SKIC3: variants seen among roughly 807,000 people sequenced by gnomAD.
The protein encoded by SKIC3 is superkiller complex protein 3.
the SKIC3 span, chr5:95,523,352 A>T: frequency 6.3e-7 from 1 of 1,591,390 alleles, no homozygotes; most frequent in Non-Finnish European, 8.6e-7. Context: ...TACTAATATT[A>T]GATATATTGA....
the SKIC3 span, chr5:95,548,497 G>A: frequency 1.3e-5 from 2 of 151,918 alleles, no homozygotes; most frequent in Non-Finnish European, 2.9e-5. Context: ...TTTTTGCCTA[G>A]TTACAATAAT....
At chr5:95,521,689 G>C in the SKIC3 span, among the ~76,000 whole-genome samples, 1 of 152,082 alleles carries the variant, frequency 6.6e-6, no homozygotes, top group East Asian at 1.9e-4. Context: ...AAAATTTAAT[G>C]AGCTTGTATA....
chr5:95,552,320 G>A, the SKIC3 span, among the ~76,000 whole-genome samples: 1 of 152,068 alleles, frequency 6.6e-6, no homozygotes, highest in Non-Finnish European at 1.5e-5. Context: ...CCTCCAAACT[G>A]AGCTACTCAA....
chr5:95,480,578 T>C, the SKIC3 span, among the ~76,000 whole-genome samples: 5 of 152,202 alleles, frequency 3.3e-5, no homozygotes, highest in East Asian at 5.8e-4. Context: ...GGAATGCTCA[T>C]GCACTGCTGG....
At chr5:95,540,851 A>C in the SKIC3 span, 1 of 1,613,070 alleles carries the variant, frequency 6.2e-7, no homozygotes, top group East Asian at 2.2e-5. Flanking sequence ...AGGAGATTTT[A>C]AATTATTTTG....
At chr5:95,500,368 T>C in the SKIC3 span, among the ~76,000 whole-genome samples, 35 of 152,202 alleles carry the variant, frequency 2.3e-4, no homozygotes, top group African/African-American at 8.4e-4. Flanking sequence ...ACAATGTCAT[T>C]ATGCTCTTCT....
At chr5:95,498,897 T>C in the SKIC3 span, among the ~76,000 whole-genome samples, 2 of 152,202 alleles carry the variant, frequency 1.3e-5, no homozygotes, top group African/African-American at 4.8e-5. Context: ...AGTGCTGGGA[T>C]TACAGGCGTG....
chr5:95,502,573 CTTCATTA>C, the SKIC3 span, among the ~76,000 whole-genome samples: 1 of 152,246 alleles, frequency 6.6e-6, no homozygotes, highest in East Asian at 1.9e-4. Context: ...AAAGACAAGG[CTTCATTA>C]CAACTATCTT....
At chr5:95,504,917 A>C in the SKIC3 span, among the ~76,000 whole-genome samples, 70 of 152,220 alleles carry the variant, frequency 4.6e-4, no homozygotes, top group African/African-American at 1.6e-3. Flanking sequence ...AGGCAGGAGA[A>C]TCACTTGAAC....
At chr5:95,550,130 C>G in the SKIC3 span, among the ~76,000 whole-genome samples, 1 of 151,824 alleles carries the variant, frequency 6.6e-6, no homozygotes, top group Non-Finnish European at 1.5e-5. Context: ...TCAAGTTTTT[C>G]TACTACCAAC....
chr5:95,486,080 A>G, the SKIC3 span, among the ~76,000 whole-genome samples: 1 of 152,290 alleles, frequency 6.6e-6, no homozygotes. Flanking sequence ...GGAGTACATA[A>G]TAATGGCATT....
chr5:95,513,256 G>C, the SKIC3 span: 5 of 301,526 alleles, frequency 1.7e-5, no homozygotes, highest in Admixed American at 2.2e-4. Flanking sequence ...TGCCCAGGCT[G>C]GAGTGCAATG....
chr5:95,502,854 T>TA, the SKIC3 span: 1 of 1,611,294 alleles, frequency 6.2e-7, no homozygotes, highest in Non-Finnish European at 8.5e-7. Context: ...CTGGTCATGT[T>TA]AAGTGTTGAT....
At chr5:95,467,843 T>C in the SKIC3 span, 1 of 1,613,102 alleles carries the variant, frequency 6.2e-7, no homozygotes, top group Non-Finnish European at 8.5e-7. Flanking sequence ...CCTCAAACAT[T>C]TTAAATAAAA....
chr5:95,492,636 C>CAA, the SKIC3 span, among the ~76,000 whole-genome samples: 21 of 14,132 alleles, frequency 1.5e-3, 2 homozygotes, highest in Non-Finnish European at 2.3e-3. Flanking sequence ...GACTCCGTCT[C>CAA]AAAAAAAAAA....
At chr5:95,490,113 T>C in the SKIC3 span, among the ~76,000 whole-genome samples, 1 of 152,214 alleles carries the variant, frequency 6.6e-6, no homozygotes, top group East Asian at 1.9e-4. Flanking sequence ...GTGAAGAAAT[T>C]TATAGATTTA....
chr5:95,518,015 C>T, the SKIC3 span, among the ~76,000 whole-genome samples: 1 of 152,050 alleles, frequency 6.6e-6, no homozygotes, highest in Non-Finnish European at 1.5e-5. Context: ...ATGCCAGCAC[C>T]ATGCTCCTGG....
chr5:95,493,822 T>C, the SKIC3 span, among the ~76,000 whole-genome samples: 1 of 151,182 alleles, frequency 6.6e-6, no homozygotes, highest in East Asian at 1.9e-4. Flanking sequence ...TAAAATAATA[T>C]TATATTATAT....
the SKIC3 span, chr5:95,547,092 T>G: frequency 6.8e-6 from 11 of 1,613,330 alleles, no homozygotes; most frequent in Non-Finnish European, 9.3e-6. Context: ...TTTGTATTCT[T>G]TGTTTCTGAT....
Sources: gnomAD v4.1 joint callset for allele counts (sites outside exome capture counted in the v4.1 genomes callset) on GRCh38, gnomAD v4.1.1 for gene constraint, MANE v1.5 for transcripts, NCBI Gene and HGNC (gene_info 2026-07-23, HGNC 2026-07-21) for gene names.